Variants in DEFB123 observed in about 807,000 individuals in gnomAD.
DEFB123 encodes the protein defensin beta 123.
For missense variants in DEFB123, 71 were observed against 75.0 expected (o/e 0.95, Z 0.20); for synonymous variants, 22 against 28.3 (o/e 0.78, Z 0.71).
chr20:31,446,961 CAA>C (rs1979602382), intron 1 of DEFB123, among the ~76,000 whole-genome samples: 1 of 113,042 alleles, frequency 8.8e-6, no homozygotes, highest in Non-Finnish European at 1.9e-5. Flanking sequence ...AAAAAAAAAA[CAA>C]AAACAAAAAC....
At chr20:31,442,463 G>A (rs1979486171) in intron 1 of DEFB123, among the ~76,000 whole-genome samples, 1 of 152,078 alleles carries the variant, frequency 6.6e-6, no homozygotes, top group Admixed American at 6.6e-5. Flanking sequence ...TCCTCTTGGA[G>A]CTTACCTTCT....
At chr20:31,447,146 C>T (rs1979609416) in intron 1 of DEFB123, among the ~76,000 whole-genome samples, 1 of 151,720 alleles carries the variant, frequency 6.6e-6, no homozygotes, top group African/African-American at 2.4e-5. Context: ...CCTGTAATTC[C>T]AGCTACTCGG....
At chr20:31,448,531 G>T (rs1979649204) in intron 1 of DEFB123, among the ~76,000 whole-genome samples, 1 of 117,256 alleles carries the variant, frequency 8.5e-6, no homozygotes, top group Non-Finnish European at 2.0e-5. Context: ...CTGACACTCT[G>T]CTCTTTTTTC....
chr20:31,450,087 G>C lies in DEFB123; in HGVS notation c.117G>C (p.Lys39Asn), dbSNP rs769987387. 9 of 1,612,690 alleles carry C rather than the reference G, an allele frequency of 5.6e-6. No homozygotes were observed. In the African/African-American group the frequency reaches 9.4e-5, roughly 17 times the overall value. Residue 39 changes from lysine to asparagine, a missense_variant, in exon 2 of 2, where the codon AAG becomes AAC. Coordinates refer to ENST00000376309, the MANE Select transcript of DEFB123 (RefSeq NM_153324.4). ...AATGCCGTTACAGATGCTCCAAGAA[G>C]GAAAGAGTCTATGTTTACTGCATAA... ...YGKCRYRCSKKERVYVYCINN... is the reference protein window; with the variant it reads ...YGKCRYRCSKNERVYVYCINN...
At position 31,444,084 on chromosome 20, in the gene DEFB123, C is replaced by T. The variant is rs185728150; in HGVS notation, c.58+3328C>T. Among the ~76,000 whole-genome samples the T allele has an allele frequency of 2.0e-3, 300 of 152,294 alleles. 1 individual carries two copies. Among genetic ancestry groups the T allele is most frequent in the Non-Finnish European group, 1.3e-3 (88 of 68,028 alleles). ...GTTTGCTGTTCTGTTGTTCACCATTCCCCCAAAACCCAGAAACTCTGCCCA... is the reference window on the plus strand; with the variant it reads ...GTTTGCTGTTCTGTTGTTCACCATTTCCCCAAAACCCAGAAACTCTGCCCA... On this transcript the variant is annotated intron_variant, in intron 1 of 1. Transcript: ENST00000376309.
Position 31,440,776 on chromosome 20 carries a change from G to A in DEFB123, c.58+20G>A, listed in dbSNP as rs369113605. The A allele has an allele frequency of 3.7e-6, 6 of 1,612,550 alleles. No individual in the cohort carries two copies. The highest frequency in any genetic ancestry group is 5.1e-6 in the Non-Finnish European group (6 of 1,179,966). On this transcript the variant is annotated intron_variant, in intron 1 of 1. Coordinates refer to ENST00000376309, the MANE Select transcript of DEFB123 (RefSeq NM_153324.4). ...CTCCAGGTAACCTGAACCTCCTTAAGGAAGGGGCAGGGCTTAGAGACTAAG... is the reference window on the plus strand; with the variant it reads ...CTCCAGGTAACCTGAACCTCCTTAAAGAAGGGGCAGGGCTTAGAGACTAAG...
intron 1 of DEFB123, among the ~76,000 whole-genome samples, chr20:31,446,643 G>T (rs113858564): frequency 6.6e-6 from 1 of 152,142 alleles, no homozygotes; most frequent in Non-Finnish European, 1.5e-5. Context: ...ACCAGGTCTT[G>T]AATTCGTTCT....
rs1477344743 is a variant in DEFB123, at chr20:31,440,836, G to T, written c.58+80G>T. The T allele has an allele frequency of 5.8e-6, 9 of 1,564,004 alleles. No homozygotes were observed. In the East Asian group the frequency reaches 1.8e-4, roughly 31 times the overall value. On this transcript the variant is annotated intron_variant, in intron 1 of 1. Transcript: ENST00000376309. ...GAGAATCCCAAGGGCTAGAAGGATG[G>T]GCTGCAGGTTGTCATCTAGCACCAC...
At position 31,440,907 on chromosome 20, in the gene DEFB123, T is replaced by A; in HGVS notation, c.58+151T>A. 3.5e-6 allele frequency: 3 copies of A among 852,022 alleles called. No homozygotes were observed. In the South Asian group the frequency reaches 4.6e-5, roughly 13 times the overall value. The allele number at this position is 852,022 out of a possible 1,614,324, so 52.8% of individuals were successfully genotyped here. A position where few individuals can be genotyped will look rare whatever the true frequency, so the allele number is the denominator to read the frequency against. On this transcript the variant is annotated intron_variant, in intron 1 of 1. Transcript: ENST00000376309. The stretch of plus-strand genomic sequence containing the variant: ...CTCACCAGCAGCAGGTGCCAGCTGA[T>A]AGATGACAACTACAACATCCAGAGC...
chr20:31,444,512 T>C (rs1004034425), intron 1 of DEFB123, among the ~76,000 whole-genome samples: 8 of 152,134 alleles, frequency 5.3e-5, no homozygotes, highest in African/African-American at 1.9e-4. Flanking sequence ...TGGAAAGGAA[T>C]TGCTAGGTAA....
intron 1 of DEFB123, among the ~76,000 whole-genome samples, chr20:31,444,714 A>G (rs921846660): frequency 2.0e-5 from 3 of 152,216 alleles, no homozygotes; most frequent in African/African-American, 4.8e-5. Flanking sequence ...AGAATCACAG[A>G]TGCTGCACAC....
chr20:31,446,356 G>A (rs567947715), intron 1 of DEFB123, among the ~76,000 whole-genome samples: 1 of 152,310 alleles, frequency 6.6e-6, no homozygotes, highest in East Asian at 1.9e-4. Flanking sequence ...GAGAGTTGTG[G>A]AATTTTGTTT....
chr20:31,446,412 G>C (rs370689322), intron 1 of DEFB123, among the ~76,000 whole-genome samples: 1 of 152,194 alleles, frequency 6.6e-6, no homozygotes, highest in African/African-American at 2.4e-5. Flanking sequence ...TGAAATGAAG[G>C]CTGCTTTTCT....
chr20:31,444,291 A>T (rs1042184440), intron 1 of DEFB123, among the ~76,000 whole-genome samples: 1 of 152,146 alleles, frequency 6.6e-6, no homozygotes, highest in African/African-American at 2.4e-5. Flanking sequence ...CCCTTCCATT[A>T]TACATCCTCA....
chr20:31,447,231 C>T (rs560568859), intron 1 of DEFB123, among the ~76,000 whole-genome samples: 1 of 152,158 alleles, frequency 6.6e-6, no homozygotes, highest in East Asian at 1.9e-4. Context: ...CATTGCACTC[C>T]AGCCTGGGCA....
chr20:31,444,175 A>G lies in DEFB123; in HGVS notation c.58+3419A>G, dbSNP rs373678466. On this transcript the variant is annotated intron_variant, in intron 1 of 1. Coordinates refer to ENST00000376309, the MANE Select transcript of DEFB123 (RefSeq NM_153324.4). The stretch of plus-strand genomic sequence containing the variant: ...GGATTGAAATATGCATCACTTCAAT[A>G]TTTTCAAAATATTGTCATACTCACC... 3.0e-4 allele frequency among the ~76,000 whole-genome samples: 45 copies of G among 152,244 alleles called. 1 individual carries two copies. In the East Asian group the frequency reaches 5.6e-3, roughly 19 times the overall value.
At chr20:31,444,769 T>C (rs1979545372) in intron 1 of DEFB123, among the ~76,000 whole-genome samples, 1 of 152,184 alleles carries the variant, frequency 6.6e-6, no homozygotes, top group East Asian at 1.9e-4. Context: ...TAAGTGCACA[T>C]CTTTGTAACC....
intron 1 of DEFB123, among the ~76,000 whole-genome samples, chr20:31,442,938 T>C (rs1979503194): frequency 6.6e-6 from 1 of 152,074 alleles, no homozygotes; most frequent in African/African-American, 2.4e-5. Context: ...GTTCATGGAA[T>C]GTCTCACTGT....
intron 1 of DEFB123, among the ~76,000 whole-genome samples, chr20:31,445,601 G>A (rs145923510): frequency 4.3e-4 from 65 of 152,222 alleles, no homozygotes; most frequent in African/African-American, 1.4e-3. Context: ...GTGCAGTGGC[G>A]TGATCTTGAC....
Sources: allele counts gnomAD v4.1 joint callset (sites outside exome capture counted in the v4.1 genomes callset), GRCh38; gene constraint gnomAD v4.1.1; transcripts MANE v1.5; gene names NCBI Gene and HGNC (gene_info 2026-07-23, HGNC 2026-07-21).